The following AFG2A variants were observed in gnomAD, a reference collection of about 807,000 sequenced individuals.
The protein encoded by AFG2A is ATPase family gene 2 protein homolog A.
the AFG2A span, chr4:122,947,569 A>G: frequency 2.3e-6 from 3 of 1,318,716 alleles, no homozygotes; most frequent in East Asian, 2.7e-5. Context: ...TATATTTTAC[A>G]GATTTCTTAA....
chr4:123,115,309 C>T, the AFG2A span, among the ~76,000 whole-genome samples: 4,124 of 152,188 alleles, frequency 0.027, 80 homozygotes, highest in Non-Finnish European at 0.035. Flanking sequence ...TGAACAGTCA[C>T]TCCGACGTGG....
the AFG2A span, among the ~76,000 whole-genome samples, chr4:123,132,424 T>C: frequency 2.6e-5 from 4 of 152,032 alleles, no homozygotes; most frequent in Admixed American, 6.5e-5. Context: ...CGTGATGTTT[T>C]CAGAGTTCAT....
chr4:123,110,084 G>T, the AFG2A span, among the ~76,000 whole-genome samples: 1 of 152,016 alleles, frequency 6.6e-6, no homozygotes, highest in African/African-American at 2.4e-5. Flanking sequence ...TATGTGTTTA[G>T]TAGAAGGTAG....
the AFG2A span, among the ~76,000 whole-genome samples, chr4:123,295,881 G>A: frequency 5.9e-5 from 9 of 152,176 alleles, no homozygotes; most frequent in Admixed American, 6.5e-5. Flanking sequence ...CACCTCACCA[G>A]CTGAGCACGA....
chr4:123,007,602 G>GT, the AFG2A span, among the ~76,000 whole-genome samples: 37 of 11,056 alleles, frequency 3.3e-3, no homozygotes, highest in African/African-American at 0.012. Flanking sequence ...GTGTGTGTGT[G>GT]TGTGTGTATA....
chr4:123,080,114 C>T, the AFG2A span, among the ~76,000 whole-genome samples: 409 of 152,190 alleles, frequency 2.7e-3, no homozygotes, highest in Non-Finnish European at 4.1e-3. Flanking sequence ...CTCTGATACC[C>T]GTAAAATTCA....
the AFG2A span, among the ~76,000 whole-genome samples, chr4:123,042,406 C>G: frequency 6.6e-6 from 1 of 152,116 alleles, no homozygotes; most frequent in Non-Finnish European, 1.5e-5. Context: ...CATGAGGGCT[C>G]CACCCTCATG....
the AFG2A span, among the ~76,000 whole-genome samples, chr4:123,050,524 G>C: frequency 0.041 from 6,200 of 152,108 alleles, 409 homozygotes; most frequent in African/African-American, 0.14. Flanking sequence ...ATATCTTCTT[G>C]CTGATTTGAC....
At chr4:123,082,690 C>T in the AFG2A span, among the ~76,000 whole-genome samples, 1 of 151,996 alleles carries the variant, frequency 6.6e-6, no homozygotes, top group African/African-American at 2.4e-5. Flanking sequence ...ATGGGTTTGT[C>T]AATATTCATA....
chr4:123,188,633 C>A, the AFG2A span, among the ~76,000 whole-genome samples: 8 of 152,166 alleles, frequency 5.3e-5, no homozygotes, highest in East Asian at 1.4e-3. Flanking sequence ...TAGCTTTTTT[C>A]TTTCCTTGAG....
the AFG2A span, among the ~76,000 whole-genome samples, chr4:122,923,995 C>A: frequency 1.3e-5 from 2 of 152,174 alleles, no homozygotes; most frequent in African/African-American, 4.8e-5. Context: ...ACTGAAAAGT[C>A]TTATAAATTG....
the AFG2A span, among the ~76,000 whole-genome samples, chr4:123,096,616 C>T: frequency 2.6e-4 from 39 of 151,996 alleles, no homozygotes; most frequent in South Asian, 6.2e-3. Context: ...ACTTTTAGTA[C>T]GGATACCTAC....
At chr4:123,294,917 C>T in the AFG2A span, among the ~76,000 whole-genome samples, 1 of 152,164 alleles carries the variant, frequency 6.6e-6, no homozygotes, top group African/African-American at 2.4e-5. Context: ...TTATCATGTA[C>T]ATGAAAAGTT....
At chr4:123,044,314 C>A in the AFG2A span, among the ~76,000 whole-genome samples, 6 of 152,136 alleles carry the variant, frequency 3.9e-5, no homozygotes, top group Admixed American at 3.9e-4. Flanking sequence ...AATTAGGGAA[C>A]AAACAAGATG....
the AFG2A span, among the ~76,000 whole-genome samples, chr4:122,972,905 G>GT: frequency 6.6e-6 from 1 of 151,918 alleles, no homozygotes. Context: ...TTTTGATGTT[G>GT]TTTTTTAATA....
the AFG2A span, among the ~76,000 whole-genome samples, chr4:123,003,910 G>C: frequency 1.3e-5 from 2 of 152,158 alleles, no homozygotes; most frequent in African/African-American, 4.8e-5. Context: ...TGCCCCCAAA[G>C]GTGGAGCCTA....
At chr4:123,060,100 G>C in the AFG2A span, among the ~76,000 whole-genome samples, 1 of 152,196 alleles carries the variant, frequency 6.6e-6, no homozygotes, top group African/African-American at 2.4e-5. Context: ...CAAGAGAGGG[G>C]TTCCCATGGT....
At chr4:122,969,928 A>G in the AFG2A span, among the ~76,000 whole-genome samples, 1 of 152,224 alleles carries the variant, frequency 6.6e-6, no homozygotes, top group Non-Finnish European at 1.5e-5. Flanking sequence ...GTCAAGGATG[A>G]ATGGTATATA....
chr4:123,295,359 G>A, the AFG2A span, among the ~76,000 whole-genome samples: 1 of 152,294 alleles, frequency 6.6e-6, no homozygotes, highest in South Asian at 2.1e-4. Context: ...CCTCTTTACT[G>A]GAATTTGAAT....
Sources: gnomAD v4.1 joint callset for allele counts (sites outside exome capture counted in the v4.1 genomes callset) on GRCh38, gnomAD v4.1.1 for gene constraint, MANE v1.5 for transcripts, NCBI Gene and HGNC (gene_info 2026-07-23, HGNC 2026-07-21) for gene names.